Variants in TASP1 observed in about 807,000 individuals in gnomAD.
The protein encoded by TASP1 is taspase 1.
TASP1 carries 16 observed loss-of-function variants against 56.6 expected under a neutral mutation model. The observed-to-expected ratio is 0.28, with a 90% CI of 0.19 to 0.43. The LOEUF is 0.43. Ranked by LOEUF, TASP1 falls within the 20% of genes least tolerant of loss-of-function variation. The probability of loss-of-function intolerance (pLI) is 1.00; values close to 1 mark genes in which losing one functional copy is unlikely to be tolerated. For missense variants in TASP1, 393 were observed against 511.6 expected, an observed-to-expected ratio of 0.77 and a Z score of 2.24; for synonymous variants, 179 against 184.2, an observed-to-expected ratio of 0.97 and a Z score of 0.23.
chr20:13,565,635 A>G (rs1448912532), intron 7 of TASP1, among the ~76,000 whole-genome samples: 1 of 152,206 alleles, frequency 6.6e-6, no homozygotes, highest in African/African-American at 2.4e-5. Flanking sequence ...CAAAATCACA[A>G]TGAAATACCA....
chr20:13,187,143 C>T, the TASP1 span, among the ~76,000 whole-genome samples: 22 of 151,912 alleles, frequency 1.4e-4, no homozygotes, highest in African/African-American at 4.4e-4. Flanking sequence ...AGAATCAGCG[C>T]GCTTGGAGAT....
chr20:13,524,863 T>C (rs1448327592), intron 10 of TASP1, among the ~76,000 whole-genome samples: 1 of 152,086 alleles, frequency 6.6e-6, no homozygotes, highest in Non-Finnish European at 1.5e-5. Flanking sequence ...GAACTACATG[T>C]GTTGAGTTAA....
intron 11 of TASP1, among the ~76,000 whole-genome samples, chr20:13,460,621 T>C (rs1211314108): frequency 6.6e-6 from 1 of 152,168 alleles, no homozygotes; most frequent in Non-Finnish European, 1.5e-5. Context: ...CTGGAGGCTT[T>C]CCTAGATCAG....
chr20:13,158,123 T>C, the TASP1 span, among the ~76,000 whole-genome samples: 4 of 152,236 alleles, frequency 2.6e-5, no homozygotes, highest in Admixed American at 2.0e-4. Flanking sequence ...CCCCTGTTCA[T>C]GTAATACACT....
At chr20:13,280,537 A>C in the TASP1 span, among the ~76,000 whole-genome samples, 1 of 152,170 alleles carries the variant, frequency 6.6e-6, no homozygotes, top group Non-Finnish European at 1.5e-5. Context: ...GGGTAGGAGA[A>C]CTCAGCTCCA....
chr20:13,137,448 T>A, the TASP1 span, among the ~76,000 whole-genome samples: 1 of 152,186 alleles, frequency 6.6e-6, no homozygotes, highest in Non-Finnish European at 1.5e-5. Context: ...GATTTTTTAT[T>A]CATATTTGGT....
At chr20:13,576,341 GGAAGAAAGA>G in intron 6 of TASP1, among the ~76,000 whole-genome samples, 2 of 127,296 alleles carry the variant, frequency 1.6e-5, no homozygotes, top group African/African-American at 6.3e-5. Context: ...AAGAAAGAAA[GGAAGAAAGA>G]AAGAAAGAAA....
intron 4 of TASP1, among the ~76,000 whole-genome samples, chr20:13,599,529 C>T (rs750373328): frequency 1.9e-4 from 29 of 152,070 alleles, no homozygotes; most frequent in Non-Finnish European, 4.1e-4. Flanking sequence ...GCCTGTCAGG[C>T]GGTGGGGGGC....
intron 4 of TASP1, among the ~76,000 whole-genome samples, chr20:13,599,450 T>A (rs1450345358): frequency 6.6e-6 from 1 of 152,168 alleles, no homozygotes; most frequent in Non-Finnish European, 1.5e-5. Context: ...CACCGCATGT[T>A]CTCACTCATA....
chr20:13,308,448 G>T, the TASP1 span, among the ~76,000 whole-genome samples: 1 of 152,100 alleles, frequency 6.6e-6, no homozygotes, highest in Non-Finnish European at 1.5e-5. Context: ...ACCGCTTATG[G>T]TGTTATGAAT....
the TASP1 span, among the ~76,000 whole-genome samples, chr20:13,375,801 T>C: frequency 6.6e-6 from 1 of 152,232 alleles, no homozygotes. Context: ...CAGTATCTCA[T>C]TGTGGTTTTG....
chr20:13,202,585 AC>A, the TASP1 span, among the ~76,000 whole-genome samples: 1 of 151,966 alleles, frequency 6.6e-6, no homozygotes. Context: ...TAAAAGAAAA[AC>A]TCTAAACAAA....
the TASP1 span, among the ~76,000 whole-genome samples, chr20:13,294,481 C>A: frequency 1.3e-5 from 2 of 152,208 alleles, no homozygotes; most frequent in Non-Finnish European, 2.9e-5. Flanking sequence ...ATATCACACC[C>A]CACAGGCAGG....
At chr20:13,316,024 A>G in the TASP1 span, among the ~76,000 whole-genome samples, 1 of 152,018 alleles carries the variant, frequency 6.6e-6, no homozygotes, top group Non-Finnish European at 1.5e-5. Context: ...CTGAAAAGGT[A>G]AATAAATTCA....
intron 6 of TASP1, among the ~76,000 whole-genome samples, chr20:13,576,141 G>A (rs1253534622): frequency 7.0e-6 from 1 of 142,052 alleles, no homozygotes; most frequent in Non-Finnish European, 1.5e-5. Flanking sequence ...AGCAGAGACT[G>A]CAGCGAGCCG....
chr20:13,204,235 C>A, the TASP1 span, among the ~76,000 whole-genome samples: 1 of 152,164 alleles, frequency 6.6e-6, no homozygotes, highest in African/African-American at 2.4e-5. Flanking sequence ...ACAGAATTCC[C>A]TACCTTTGAT....
chr20:13,571,926 C>T (rs1364722238), intron 6 of TASP1, among the ~76,000 whole-genome samples: 1 of 152,112 alleles, frequency 6.6e-6, no homozygotes, highest in Non-Finnish European at 1.5e-5. Context: ...TCCCTATTTC[C>T]CAAATGGGAA....
intron 12 of TASP1, among the ~76,000 whole-genome samples, chr20:13,424,870 T>C (rs898401322): frequency 6.6e-6 from 1 of 152,148 alleles, no homozygotes; most frequent in Admixed American, 6.5e-5. Flanking sequence ...ATGTGAAACA[T>C]AGACACAGAG....
intron 7 of TASP1, among the ~76,000 whole-genome samples, chr20:13,560,262 G>A (rs2046302267): frequency 6.6e-6 from 1 of 151,954 alleles, no homozygotes; most frequent in African/African-American, 2.4e-5. Flanking sequence ...AAAAACATTG[G>A]GTAAAATATT....
Sources: allele counts gnomAD v4.1 joint callset (sites outside exome capture counted in the v4.1 genomes callset), GRCh38; gene constraint gnomAD v4.1.1; transcripts MANE v1.5; gene names NCBI Gene and HGNC (gene_info 2026-07-23, HGNC 2026-07-21).